The following ENTPD6 variants were observed in gnomAD, a reference collection of about 807,000 sequenced individuals.
ENTPD6 encodes ectonucleoside triphosphate diphosphohydrolase 6.
Under a neutral mutation model 61.5 loss-of-function variants are expected in ENTPD6, and 46 were observed. The ratio of observed to expected loss-of-function variants is 0.75; its 90% CI spans 0.59 to 0.96. ENTPD6 has a LOEUF of 0.96. Among genes scored for constraint, ENTPD6 ranks in the 40% least tolerant of loss-of-function variants. The pLI is 0.00. For missense variants in ENTPD6, 612 were observed against 629.0 expected, an observed-to-expected ratio of 0.97 and a Z score of 0.29; for synonymous variants, 252 against 255.5, an observed-to-expected ratio of 0.99 and a Z score of 0.13.
At chr20:25,202,908 C>T (rs1172799201) in intron 1 of ENTPD6, among the ~76,000 whole-genome samples, 1 of 152,074 alleles carries the variant, frequency 6.6e-6, no homozygotes, top group Non-Finnish European at 1.5e-5. Flanking sequence ...TGTCTAGTGC[C>T]CTTTTGTTTT....
At chr20:25,212,737 A>C (rs1600592826) in intron 4 of ENTPD6, among the ~76,000 whole-genome samples, 2 of 151,320 alleles carry the variant, frequency 1.3e-5, no homozygotes, top group East Asian at 3.9e-4. Context: ...ATGGAGTCTC[A>C]CTCTGTCACC....
chr20:25,195,955 G>C (rs1198169623), intron 1 of ENTPD6, 88 bp downstream of exon 1: 1 of 1,104,874 alleles, frequency 9.1e-7, no homozygotes, highest in Non-Finnish European at 1.1e-6. Context: ...CTGCGCTCCG[G>C]AGGACGGCCT....
At chr20:25,200,429 G>C (rs1431441355) in intron 1 of ENTPD6, among the ~76,000 whole-genome samples, 1 of 152,042 alleles carries the variant, frequency 6.6e-6, no homozygotes, top group Non-Finnish European at 1.5e-5. Context: ...TTTAGTTAAT[G>C]TAATTCCATT....
intron 8 of ENTPD6, 24 bp from the exon 9 acceptor site, chr20:25,217,478 A>T: frequency 6.2e-7 from 1 of 1,609,154 alleles, no homozygotes; most frequent in Middle Eastern, 1.7e-4. Flanking sequence ...AGCAGGAAAC[A>T]TAGTTACCCT....
chr20:25,195,877 GGGCCGGGGCGCT>G lies in ENTPD6; in HGVS notation c.-16+14_-16+25del. On this transcript the variant is annotated intron_variant, in intron 1 of 14. Transcript: ENST00000376652. ...GAGCGCGCGGTGCATGGTAAGCGGC[GGGCCGGGGCGCT>G]GGCGGGGGCGGCCGGGGATCACCGA... The G allele has an allele frequency of 3.2e-6, 4 of 1,234,964 alleles. No individual in the cohort carries two copies. Among genetic ancestry groups the G allele is most frequent in the Non-Finnish European group, 2.0e-6 (2 of 987,372 alleles). The allele number at this position is 1,234,964 out of a possible 1,614,324, so 76.5% of individuals were successfully genotyped here. A position where few individuals can be genotyped will look rare whatever the true frequency, so the allele number is the denominator to read the frequency against.
intron 10 of ENTPD6, among the ~76,000 whole-genome samples, chr20:25,219,269 C>T (rs2092518316): frequency 6.6e-6 from 1 of 152,246 alleles, no homozygotes; most frequent in African/African-American, 2.4e-5. Flanking sequence ...CACTCATCCC[C>T]TACATTGGGA....
chr20:25,196,685 CG>C (rs2090457835), intron 1 of ENTPD6, among the ~76,000 whole-genome samples: 1 of 152,138 alleles, frequency 6.6e-6, no homozygotes, highest in African/African-American at 2.4e-5. Context: ...AGCCTGCAGG[CG>C]GGGAATCTGA....
chr20:25,224,266 C>G, intron 13 of ENTPD6, 109 bp downstream of exon 13: 1 of 938,232 alleles, frequency 1.1e-6, no homozygotes, highest in Non-Finnish European at 1.6e-6. Flanking sequence ...AAACAATGGC[C>G]ACAGGCAGGG....
intron 4 of ENTPD6, among the ~76,000 whole-genome samples, chr20:25,210,898 C>T (rs1050605532): frequency 1.3e-5 from 2 of 152,256 alleles, no homozygotes; most frequent in Middle Eastern, 3.4e-3. Context: ...GCTGAGATTG[C>T]GCCACTGTAC....
chr20:25,214,150 T>A (rs895594386), intron 5 of ENTPD6, among the ~76,000 whole-genome samples: 1 of 152,190 alleles, frequency 6.6e-6, no homozygotes, highest in African/African-American at 2.4e-5. Flanking sequence ...AGGGCCAATG[T>A]GTCTCCAGCT....
rs781647158 is a variant in ENTPD6, at chr20:25,221,336, A to T, written c.1045+3A>T. The T allele has an allele frequency of 6.7e-5, 108 of 1,612,514 alleles. No individual in the cohort carries two copies. Among genetic ancestry groups the T allele is most frequent in the Non-Finnish European group, 8.5e-6 (10 of 1,178,694 alleles). On this transcript the variant is annotated splice_donor_region_variant and intron_variant, in intron 11 of 14. Coordinates refer to ENST00000376652, the MANE Select transcript of ENTPD6 (RefSeq NM_001247.5). ...CAGGGTTTCAGGGCAGAAAGCAGGT[A>T]CGGGGAGGGTTGCTGCCTGTTGGTT...
At chr20:25,215,378 C>T (rs2092256011) in intron 6 of ENTPD6, among the ~76,000 whole-genome samples, 1 of 152,158 alleles carries the variant, frequency 6.6e-6, no homozygotes, top group Admixed American at 6.5e-5. Flanking sequence ...GGAAGGGGAG[C>T]ACTGGGTTCT....
chr20:25,197,325 G>C (rs2090548121), intron 1 of ENTPD6: 2 of 838,766 alleles, frequency 2.4e-6, no homozygotes, highest in South Asian at 1.1e-4. Context: ...TCTGACTCCT[G>C]CCTCCACCTG....
At chr20:25,206,340 C>T (rs2091498019) in intron 1 of ENTPD6, among the ~76,000 whole-genome samples, 182 bp from the exon 2 acceptor site, 1 of 152,222 alleles carries the variant, frequency 6.6e-6, no homozygotes, top group African/African-American at 2.4e-5. Context: ...CACTTCTTGT[C>T]CTTTGAAGCC....
At position 25,207,282 on chromosome 20, in the gene ENTPD6, C is replaced by A. The variant is rs775741406; in HGVS notation, c.261C>A (p.Ala87=). 5.0e-6 allele frequency: 8 copies of A among 1,612,464 alleles called. No homozygotes were observed. The African/African-American group carries it at 5.3e-5, about 11-fold the overall frequency. Residue 87 remains alanine (A), a synonymous_variant, in exon 3 of 15, where the codon GCC becomes GCA. Coordinates refer to ENST00000376652, the MANE Select transcript of ENTPD6 (RefSeq NM_001247.5). Reference sequence around the variant, plus strand: ...CGGGGGCCCGGTGGGGTCAGCAGGCCCACAGCCCCCTGGGGACAGCTGCAG... The same window carrying A: ...CGGGGGCCCGGTGGGGTCAGCAGGCACACAGCCCCCTGGGGACAGCTGCAG... The part of the protein sequence containing the change: ...AAPGARWGQQ[A]HSPLGTAADG...
chr20:25,217,477 C>T, intron 8 of ENTPD6, 25 bp from the exon 9 acceptor site: 1 of 1,607,518 alleles, frequency 6.2e-7, no homozygotes, highest in Non-Finnish European at 8.5e-7. Flanking sequence ...CAGCAGGAAA[C>T]ATAGTTACCC....
At chr20:25,214,034 C>CT (rs1299729287) in intron 5 of ENTPD6, among the ~76,000 whole-genome samples, 9 of 152,236 alleles carry the variant, frequency 5.9e-5, no homozygotes, top group African/African-American at 2.2e-4. Flanking sequence ...GGTGCTGCAG[C>CT]TGAAGCCCGT....
intron 10 of ENTPD6, among the ~76,000 whole-genome samples, chr20:25,219,657 A>G (rs2092540571): frequency 6.6e-6 from 1 of 152,192 alleles, no homozygotes; most frequent in Non-Finnish European, 1.5e-5. Context: ...GGCCTTCCCA[A>G]GGCCTTAGTG....
At chr20:25,206,956 T>TG in intron 2 of ENTPD6, 120 bp from the exon 3 acceptor site, 4 of 867,184 alleles carry the variant, frequency 4.6e-6, no homozygotes, top group South Asian at 1.7e-5. Context: ...TTCTGATTCC[T>TG]GGGGGGAACA....
Sources: gnomAD v4.1 joint callset for allele counts (sites outside exome capture counted in the v4.1 genomes callset) on GRCh38, gnomAD v4.1.1 for gene constraint, MANE v1.5 for transcripts, NCBI Gene and HGNC (gene_info 2026-07-23, HGNC 2026-07-21) for gene names.